Variants in AUTS2 observed in about 807,000 individuals in gnomAD.
AUTS2 encodes autism susceptibility gene 2 protein.
In AUTS2, 17 loss-of-function variants were observed where a neutral mutation model predicts 112.4. The ratio of observed to expected loss-of-function variants is 0.15; its 90% confidence interval spans 0.10 to 0.23. AUTS2 has a LOEUF of 0.23. Ranked by LOEUF, AUTS2 falls within the 10% of genes least tolerant of loss-of-function variation. The pLI, the probability that AUTS2 is intolerant of heterozygous loss-of-function variation, is 1.00. For missense variants in AUTS2, 1,510 were observed against 1,701.6 expected, an observed-to-expected ratio of 0.89 and a Z score of 1.98; for synonymous variants, 751 against 702.7, an observed-to-expected ratio of 1.07 and a Z score of -1.09.
At chr7:70,138,081 T>G (rs181529128) in intron 4 of AUTS2, among the ~76,000 whole-genome samples, 1 of 152,346 alleles carries the variant, frequency 6.6e-6, no homozygotes, top group East Asian at 1.9e-4. Flanking sequence ...TTAAAGTTAC[T>G]TGTGTATTTT....
intron 4 of AUTS2, among the ~76,000 whole-genome samples, chr7:70,286,836 A>G (rs1239860964): frequency 6.6e-6 from 1 of 152,160 alleles, no homozygotes; most frequent in African/African-American, 2.4e-5. Context: ...AAAAACATCA[A>G]TATCTTCATA....
At chr7:69,910,219 A>G (rs1183494309) in intron 2 of AUTS2, among the ~76,000 whole-genome samples, 1 of 152,168 alleles carries the variant, frequency 6.6e-6, no homozygotes. Context: ...GTGTCATGGG[A>G]TCCTTGGGAT....
intron 2 of AUTS2, among the ~76,000 whole-genome samples, chr7:69,901,295 G>T (rs1171162639): frequency 2.0e-5 from 3 of 150,782 alleles, no homozygotes; most frequent in Non-Finnish European, 4.4e-5. Context: ...TCAGGCCCCC[G>T]CCCCAGCAGG....
At chr7:70,751,481 C>A (rs1474778293) in intron 6 of AUTS2, among the ~76,000 whole-genome samples, 3 of 152,156 alleles carry the variant, frequency 2.0e-5, no homozygotes, top group Non-Finnish European at 4.4e-5. Context: ...CTTGGTCTCA[C>A]CCTTGGGAAA....
At chr7:69,689,620 G>A (rs1363479206) in intron 1 of AUTS2, among the ~76,000 whole-genome samples, 5 of 148,800 alleles carry the variant, frequency 3.4e-5, no homozygotes, top group African/African-American at 1.2e-4. Context: ...GATTACAGGC[G>A]TGAGCCACCG....
At chr7:69,834,807 C>T (rs1211299787) in intron 1 of AUTS2, among the ~76,000 whole-genome samples, 4 of 152,212 alleles carry the variant, frequency 2.6e-5, no homozygotes, top group Admixed American at 2.6e-4. Flanking sequence ...TATAACATTT[C>T]CTTTTGAGCT....
intron 4 of AUTS2, among the ~76,000 whole-genome samples, chr7:70,316,328 T>G (rs1789993729): frequency 6.6e-6 from 1 of 151,442 alleles, no homozygotes; most frequent in South Asian, 2.1e-4. Context: ...TCCCACCCAG[T>G]GGGTGTGAAG....
At chr7:70,730,222 T>G (rs1165236653) in intron 6 of AUTS2, among the ~76,000 whole-genome samples, 1 of 143,700 alleles carries the variant, frequency 7.0e-6, no homozygotes, top group Non-Finnish European at 1.5e-5. Flanking sequence ...AACCAGTTTT[T>G]TTTTTTGTTT....
At chr7:70,071,167 A>C (rs1802749691) in intron 2 of AUTS2, among the ~76,000 whole-genome samples, 2 of 152,198 alleles carry the variant, frequency 1.3e-5, no homozygotes. Context: ...ACACTACTTT[A>C]GGAATCTTAT....
intron 1 of AUTS2, among the ~76,000 whole-genome samples, chr7:69,821,787 C>T (rs1791007132): frequency 6.6e-6 from 1 of 151,958 alleles, no homozygotes; most frequent in Admixed American, 6.6e-5. Flanking sequence ...GGAACCAACT[C>T]TGGACACAGT....
chr7:69,898,159 T>C (rs1006881881), intron 1 of AUTS2, among the ~76,000 whole-genome samples: 1 of 152,116 alleles, frequency 6.6e-6, no homozygotes, highest in Non-Finnish European at 1.5e-5. Flanking sequence ...TATCAAAACA[T>C]CTTATGTAAG....
chr7:70,349,278 G>A (rs1479712929), intron 4 of AUTS2, among the ~76,000 whole-genome samples: 1 of 152,190 alleles, frequency 6.6e-6, no homozygotes, highest in African/African-American at 2.4e-5. Flanking sequence ...TGATTCTGCT[G>A]CTTGGTGCAC....
At chr7:69,660,366 CTTTTA>C (rs897081834) in intron 1 of AUTS2, among the ~76,000 whole-genome samples, 13 of 152,004 alleles carry the variant, frequency 8.6e-5, no homozygotes, top group African/African-American at 3.1e-4. Context: ...ACAGTATAGA[CTTTTA>C]TTTATTTATT....
rs1206361080 is a variant in AUTS2, at chr7:70,017,750, T to TA, written c.523-100378dup. ...CTCACAGGAAAGTAGTTGTTAGAAT[T>TA]AAAATCAGAAACAACCAGTTATATT... is the stretch of plus-strand genomic sequence containing the variant. On this transcript the variant is annotated intron_variant, in intron 2 of 18. Coordinates refer to ENST00000342771, the MANE Select transcript of AUTS2 (RefSeq NM_015570.4). Among the ~76,000 whole-genome samples the TA allele has an allele frequency of 6.2e-4, 94 of 152,110 alleles. 1 individual carries two copies. Among genetic ancestry groups the TA allele is most frequent in the African/African-American group, 2.1e-3 (89 of 41,562 alleles).
chr7:70,055,123 A>T (rs1051458722), intron 2 of AUTS2, among the ~76,000 whole-genome samples: 2 of 152,150 alleles, frequency 1.3e-5, no homozygotes, highest in Non-Finnish European at 2.9e-5. Flanking sequence ...ATTCAGAGTC[A>T]TGCCTTTTTA....
intron 6 of AUTS2, among the ~76,000 whole-genome samples, chr7:70,721,279 C>CGTGTGT (rs55885084): frequency 0.2 from 27,711 of 139,928 alleles, 3,027 homozygotes; most frequent in Non-Finnish European, 0.25. Flanking sequence ...GAATTTCATT[C>CGTGTGT]GTGTGTGTGT....
intron 2 of AUTS2, among the ~76,000 whole-genome samples, chr7:69,942,575 TTAC>T (rs1796667197): frequency 1.3e-5 from 2 of 152,198 alleles, no homozygotes; most frequent in African/African-American, 4.8e-5. Flanking sequence ...TAAATAATTA[TTAC>T]TTCCAGGTCT....
intron 5 of AUTS2, among the ~76,000 whole-genome samples, chr7:70,609,707 G>A (rs558208047): frequency 5.4e-4 from 82 of 151,988 alleles, no homozygotes; most frequent in African/African-American, 9.9e-4. Context: ...GATTACAGGC[G>A]TGAGCCACCA....
chr7:70,621,377 A>G (rs1373527932), intron 5 of AUTS2, among the ~76,000 whole-genome samples: 1 of 152,236 alleles, frequency 6.6e-6, no homozygotes, highest in Non-Finnish European at 1.5e-5. Context: ...CAAAATGATT[A>G]CAACATGCAG....
Sources: allele counts gnomAD v4.1 joint callset (sites outside exome capture counted in the v4.1 genomes callset), GRCh38; gene constraint gnomAD v4.1.1; transcripts MANE v1.5; gene names NCBI Gene and HGNC (gene_info 2026-07-23, HGNC 2026-07-21).